CPA6: variants seen among roughly 807,000 people sequenced by gnomAD.
The protein encoded by CPA6 is carboxypeptidase B.
A neutral mutation model predicts 63.3 loss-of-function variants in CPA6; 58 were observed. That is an observed-to-expected ratio of 0.92 (90% CI 0.74 to 1.14). The LOEUF is 1.14. Among genes scored for constraint, CPA6 ranks in the 50% most tolerant of loss-of-function variants. The probability of loss-of-function intolerance (pLI) is 0.00; values close to 1 mark genes in which losing one functional copy is unlikely to be tolerated. For missense variants in CPA6, 565 were observed against 526.6 expected, an observed-to-expected ratio of 1.07 and a Z score of -0.71; for synonymous variants, 185 against 179.0, an observed-to-expected ratio of 1.03 and a Z score of -0.27.
At chr8:67,557,470 G>A (rs1273582801) in intron 2 of CPA6, among the ~76,000 whole-genome samples, 1 of 152,184 alleles carries the variant, frequency 6.6e-6, no homozygotes, top group Non-Finnish European at 1.5e-5. Flanking sequence ...ACCTGTGATT[G>A]CATCAGTTGG....
chr8:67,582,936 G>C, intron 2 of CPA6, among the ~76,000 whole-genome samples: 1 of 152,066 alleles, frequency 6.6e-6, no homozygotes, highest in East Asian at 1.9e-4. Flanking sequence ...GGGGTTGATA[G>C]TCTTTATTTA....
At chr8:67,657,930 C>T (rs182797602) in intron 1 of CPA6, among the ~76,000 whole-genome samples, 3 of 152,196 alleles carry the variant, frequency 2.0e-5, no homozygotes, top group East Asian at 1.9e-4. Flanking sequence ...CCTGAGTTCC[C>T]GCCTCCTGCC....
At chr8:67,665,400 T>C (rs1023655496) in intron 1 of CPA6, among the ~76,000 whole-genome samples, 19 of 152,176 alleles carry the variant, frequency 1.2e-4, no homozygotes, top group African/African-American at 4.1e-4. Flanking sequence ...TCCAACAGAA[T>C]GGGAAAATGG....
chr8:67,469,087 C>T lies in CPA6; in HGVS notation c.838+14681G>A, dbSNP rs548785259. 5.3e-5 allele frequency among the ~76,000 whole-genome samples: 8 copies of T among 152,216 alleles called. No homozygotes were observed. In the South Asian group the frequency reaches 1.2e-3, roughly 24 times the overall value. On this transcript the variant is annotated intron_variant, in intron 8 of 10. Coordinates refer to ENST00000297770, the MANE Select transcript of CPA6 (RefSeq NM_020361.5). Reference sequence around the variant, plus strand: ...TTTACCAAGTGTGAATACATGTGTGCGTATTTATATCTATCTATTTCTATT... The same window carrying T: ...TTTACCAAGTGTGAATACATGTGTGTGTATTTATATCTATCTATTTCTATT...
intron 1 of CPA6, among the ~76,000 whole-genome samples, chr8:67,719,970 T>G (rs1487954599): frequency 6.6e-6 from 1 of 152,114 alleles, no homozygotes; most frequent in African/African-American, 2.4e-5. Flanking sequence ...GAAGCTTTCA[T>G]GCGCGTCCGT....
chr8:67,542,975 C>T (rs1812738429), intron 2 of CPA6, among the ~76,000 whole-genome samples: 1 of 152,176 alleles, frequency 6.6e-6, no homozygotes, highest in Non-Finnish European at 1.5e-5. Flanking sequence ...TTAACCATAT[C>T]TATATTAATT....
intron 1 of CPA6, among the ~76,000 whole-genome samples, chr8:67,628,761 A>AT (rs1199690699): frequency 6.6e-6 from 1 of 152,224 alleles, no homozygotes; most frequent in Admixed American, 6.5e-5. Context: ...AACAGAACCG[A>AT]TTTTACCATA....
rs150637396 is a variant in CPA6 at position 67,614,105 on chromosome 8, G to A, written c.192+10071C>T. Reference sequence around the variant, plus strand: ...CTCGAGATACAGAAAGCTGTCACTGGCCCTCTGCCCTTGTGAAAAGGCAGA... The same window carrying A: ...CTCGAGATACAGAAAGCTGTCACTGACCCTCTGCCCTTGTGAAAAGGCAGA... On this transcript the variant is annotated intron_variant, in intron 2 of 10. Transcript: ENST00000297770. Among the ~76,000 whole-genome samples, 1,182 of 152,288 alleles carry A rather than the reference G, an allele frequency of 7.8e-3. 6 individuals carry two copies. Among genetic ancestry groups the A allele is most frequent in the East Asian group, 0.025 (129 of 5,168 alleles).
At chr8:67,482,981 C>A (rs776447929) in intron 8 of CPA6, among the ~76,000 whole-genome samples, 1 of 152,178 alleles carries the variant, frequency 6.6e-6, no homozygotes, top group Non-Finnish European at 1.5e-5. Context: ...TAGAACCTAA[C>A]CCTCATTGTA....
At chr8:67,686,545 C>A (rs1007260753) in intron 1 of CPA6, among the ~76,000 whole-genome samples, 7 of 152,328 alleles carry the variant, frequency 4.6e-5, no homozygotes, top group Non-Finnish European at 1.0e-4. Flanking sequence ...GGGCCTAGGG[C>A]TTCTGCCCCA....
intron 1 of CPA6, among the ~76,000 whole-genome samples, chr8:67,709,634 A>C (rs1480267450): frequency 6.6e-6 from 1 of 152,216 alleles, no homozygotes; most frequent in African/African-American, 2.4e-5. Context: ...AACAGTCTGA[A>C]TATGTCTTGA....
intron 2 of CPA6, among the ~76,000 whole-genome samples, chr8:67,593,784 C>T (rs7841784): frequency 0.19 from 27,674 of 146,272 alleles, 3,034 homozygotes; most frequent in East Asian, 0.42. Context: ...TGTGTCTGCA[C>T]GTGAGATGGG....
intron 3 of CPA6, among the ~76,000 whole-genome samples, chr8:67,516,053 C>T (rs1812138725): frequency 6.6e-6 from 1 of 152,196 alleles, no homozygotes; most frequent in Admixed American, 6.5e-5. Context: ...CTGAGGACCT[C>T]AACTTTCTCG....
chr8:67,508,723 A>G (rs1469784559), intron 5 of CPA6, among the ~76,000 whole-genome samples: 1 of 152,034 alleles, frequency 6.6e-6, no homozygotes. Context: ...ATAGGAGAGG[A>G]AGTAGAGATG....
chr8:67,711,017 A>T (rs1817249325), intron 1 of CPA6, among the ~76,000 whole-genome samples: 1 of 152,336 alleles, frequency 6.6e-6, no homozygotes, highest in East Asian at 1.9e-4. Context: ...CCATCTTTGC[A>T]TCTTGCTCAG....
chr8:67,540,828 C>G (rs1812688726), intron 2 of CPA6, among the ~76,000 whole-genome samples: 1 of 152,196 alleles, frequency 6.6e-6, no homozygotes, highest in Admixed American at 6.5e-5. Context: ...CTACTCAAGC[C>G]TCAGTGATGG....
intron 6 of CPA6, among the ~76,000 whole-genome samples, chr8:67,489,754 T>C (rs1811565452): frequency 6.6e-6 from 1 of 152,194 alleles, no homozygotes; most frequent in Non-Finnish European, 1.5e-5. Context: ...TTGTCTGCTA[T>C]TTTAACCACT....
chr8:67,557,318 C>T (rs1038481806), intron 2 of CPA6, among the ~76,000 whole-genome samples: 5 of 152,172 alleles, frequency 3.3e-5, no homozygotes, highest in African/African-American at 1.2e-4. Context: ...TGCATCTCTG[C>T]TCCCACCCAT....
chr8:67,585,328 G>T (rs568706291), intron 2 of CPA6, among the ~76,000 whole-genome samples: 24 of 152,224 alleles, frequency 1.6e-4, no homozygotes, highest in South Asian at 2.1e-4. Context: ...TGCAGGTGTT[G>T]GTTAAGGTAG....
Sources: allele counts gnomAD v4.1 joint callset (sites outside exome capture counted in the v4.1 genomes callset), GRCh38; gene constraint gnomAD v4.1.1; transcripts MANE v1.5; gene names NCBI Gene and HGNC (gene_info 2026-07-23, HGNC 2026-07-21).